Variants in VSIG1 observed in about 807,000 individuals in gnomAD.
VSIG1 encodes V-set and immunoglobulin domain-containing protein 1.
A neutral mutation model predicts 20.1 loss-of-function variants in VSIG1; 11 were observed. That is an observed-to-expected ratio of 0.55 (90% confidence interval 0.34 to 0.91). The LOEUF (loss-of-function observed/expected upper bound fraction) is 0.91, where lower values mean the gene tolerates loss of function less well. Ranked by LOEUF, VSIG1 falls within the 40% of genes least tolerant of loss-of-function variation. The probability of loss-of-function intolerance (pLI) is 0.02; values close to 1 mark genes in which losing one functional copy is unlikely to be tolerated. For missense variants in VSIG1, 283 were observed against 298.8 expected, an observed-to-expected ratio of 0.95 and a Z score of 0.39; for synonymous variants, 126 against 116.7, an observed-to-expected ratio of 1.08 and a Z score of -0.52.
At chrX:108,027,161 T>G in the VSIG1 span, among the ~76,000 whole-genome samples, 3 of 111,647 alleles carry the variant, frequency 2.7e-5, no homozygotes, top group Non-Finnish European at 5.7e-5. Context: ...CCCAGCATTT[T>G]TACTCCTAAA....
the VSIG1 span, among the ~76,000 whole-genome samples, chrX:108,030,163 T>C: frequency 9.0e-6 from 1 of 111,676 alleles, no homozygotes; most frequent in Non-Finnish European, 1.9e-5. Context: ...GTCATACCAC[T>C]TAGCTCATAA....
the VSIG1 span, among the ~76,000 whole-genome samples, chrX:108,039,670 C>T: frequency 1.8e-5 from 2 of 110,665 alleles, no homozygotes; most frequent in African/African-American, 6.6e-5. Context: ...AGGCTATAGC[C>T]ATGATCCGGG....
In VSIG1 at chrX:108,075,983, T is replaced by C. The variant is rs182293942; in HGVS notation, c.689-94T>C. 2.6e-5 allele frequency: 28 copies of C among 1,082,801 alleles called. No individual in the cohort carries two copies. The East Asian group carries it at 6.4e-4, about 25-fold the overall frequency. 89.2% of individuals were successfully genotyped at this position (1,082,801 alleles called of 1,213,427 possible). On this transcript the variant is annotated intron_variant, in intron 5 of 6. Coordinates refer to ENST00000217957, the MANE Select transcript of VSIG1 (RefSeq NM_182607.5). ...GCCTATACAAGTCATTTTCCCACTA[T>C]GTGAATGGCCCTGATATTCCCCACT...
At chrX:108,033,479 G>A in the VSIG1 span, among the ~76,000 whole-genome samples, 1 of 111,981 alleles carries the variant, frequency 8.9e-6, no homozygotes, top group Admixed American at 9.4e-5. Context: ...TTATTCAAAA[G>A]CAGTGCAGGT....
At chrX:108,035,737 T>C in the VSIG1 span, among the ~76,000 whole-genome samples, 1 of 110,632 alleles carries the variant, frequency 9.0e-6, no homozygotes, top group Non-Finnish European at 1.9e-5. Context: ...TATTAATCTC[T>C]ATTTTGTGTG....
the VSIG1 span, among the ~76,000 whole-genome samples, chrX:108,028,121 A>G: frequency 2.7e-5 from 3 of 111,106 alleles, no homozygotes; most frequent in Admixed American, 9.6e-5. Flanking sequence ...GGTGCCAGCT[A>G]ATTCAGAAAA....
In VSIG1 at chrX:108,067,023, A is replaced by G; in HGVS notation, c.301A>G (p.Ile101Val). 4.1e-6 allele frequency: 5 copies of G among 1,211,130 alleles called. No individual in the cohort carries two copies. In the East Asian group the frequency reaches 1.5e-4, roughly 36 times the overall value. The stretch of plus-strand genomic sequence containing the variant: ...GTCCAACGATCCAGGTAATGCATCT[A>G]TCACTATCTCGCATATGCAGCCAGC... Reference protein sequence around the residue: ...TGSNDPGNASITISHMQPADS... With the variant: ...TGSNDPGNASVTISHMQPADS... The change falls in exon 3 of 7, where the codon ATC becomes GTC. Residue 101 changes from isoleucine (I) to valine (V), a missense_variant. Coordinates refer to ENST00000217957, the MANE Select transcript of VSIG1 (RefSeq NM_182607.5).
intron 2 of VSIG1, among the ~76,000 whole-genome samples, chrX:108,060,067 T>C (rs1205616054): frequency 9.0e-6 from 1 of 111,644 alleles, no homozygotes; most frequent in Non-Finnish European, 1.9e-5. Context: ...GCTTTTTCTA[T>C]ACCAGGAAAT....
In VSIG1 at chrX:108,078,407, T is replaced by C. The variant is rs374752055; in HGVS notation, c.*1026T>C. On this transcript the variant is annotated 3_prime_UTR_variant, in exon 7 of 7. Coordinates refer to ENST00000217957, the MANE Select transcript of VSIG1 (RefSeq NM_182607.5). ...GAGTTCGAGACCAGCCTGGCCAACA[T>C]GGCGAAACCCCTTCTCTACTAAAAA... The C allele has an allele frequency of 5.4e-5, 6 of 111,664 alleles. No individual in the cohort carries two copies. The highest frequency in any genetic ancestry group is 2.8e-4 in the East Asian group (1 of 3,543). 9.2% of individuals were successfully genotyped at this position (111,664 alleles called of 1,213,427 possible). A position where few individuals can be genotyped will look rare whatever the true frequency, so the allele number is the denominator to read the frequency against.
the VSIG1 span, among the ~76,000 whole-genome samples, chrX:108,023,881 A>C: frequency 9.0e-6 from 1 of 111,632 alleles, no homozygotes; most frequent in East Asian, 2.8e-4. Flanking sequence ...GGCTACTTTG[A>C]ATAATTCTGG....
chrX:108,064,647 A>G, intron 2 of VSIG1: 1 of 533,076 alleles, frequency 1.9e-6, no homozygotes, highest in Non-Finnish European at 2.3e-6. Flanking sequence ...CTGATGTTGT[A>G]TCTCATTGTG....
At chrX:108,021,935 A>T in the VSIG1 span, among the ~76,000 whole-genome samples, 1 of 112,100 alleles carries the variant, frequency 8.9e-6, no homozygotes, top group Non-Finnish European at 1.9e-5. Context: ...TGACAGTATC[A>T]CACTGTTTTG....
Position 108,073,384 on chromosome X carries a change from C to G in VSIG1, c.688+15C>G. The G allele has an allele frequency of 8.3e-7, 1 of 1,208,066 alleles. No individual in the cohort carries two copies. ...CACTTCTTCACGTGAGTTGACCATACAACTTTAACGGTTTCTCCTTAAATC... is the reference window on the plus strand; with the variant it reads ...CACTTCTTCACGTGAGTTGACCATAGAACTTTAACGGTTTCTCCTTAAATC... On this transcript the variant is annotated intron_variant, in intron 5 of 6. Coordinates refer to ENST00000217957, the MANE Select transcript of VSIG1 (RefSeq NM_182607.5).
At chrX:108,029,539 G>A in the VSIG1 span, among the ~76,000 whole-genome samples, 1 of 112,109 alleles carries the variant, frequency 8.9e-6, no homozygotes, top group Non-Finnish European at 1.9e-5. Context: ...CAGGGTTAAG[G>A]CCATTAGTAA....
chrX:108,070,696 T>C (rs902824669), intron 3 of VSIG1, among the ~76,000 whole-genome samples: 8 of 112,352 alleles, frequency 7.1e-5, no homozygotes, highest in Non-Finnish European at 1.3e-4. Context: ...GGACTTCTGG[T>C]TAAATAGCTT....
intron 1 of VSIG1, among the ~76,000 whole-genome samples, chrX:108,048,237 A>G (rs1286681889): frequency 9.2e-6 from 1 of 108,158 alleles, no homozygotes; most frequent in African/African-American, 3.4e-5. Context: ...TCCCAACCTC[A>G]GGCGACCCGC....
chrX:108,057,183 G>T (rs2030918401), intron 1 of VSIG1, among the ~76,000 whole-genome samples: 1 of 112,302 alleles, frequency 8.9e-6, no homozygotes, highest in African/African-American at 3.2e-5. Flanking sequence ...TTTATGAAGT[G>T]ACAGAATTTT....
intron 1 of VSIG1, among the ~76,000 whole-genome samples, chrX:108,052,039 G>C (rs2030795107): frequency 1.8e-5 from 2 of 111,317 alleles, no homozygotes; most frequent in African/African-American, 3.3e-5. Context: ...AGTTAGACAA[G>C]AGGAATAAGT....
At chrX:108,034,781 C>T in the VSIG1 span, among the ~76,000 whole-genome samples, 1 of 111,734 alleles carries the variant, frequency 8.9e-6, no homozygotes, top group Non-Finnish European at 1.9e-5. Context: ...AATAATTTGC[C>T]TAAGGTCCCC....
Sources: gnomAD v4.1 joint callset for allele counts (sites outside exome capture counted in the v4.1 genomes callset) on GRCh38, gnomAD v4.1.1 for gene constraint, MANE v1.5 for transcripts, NCBI Gene and HGNC (gene_info 2026-07-23, HGNC 2026-07-21) for gene names.